Variants in STK33 observed in about 807,000 individuals in gnomAD.
STK33 encodes the protein serine/threonine kinase 33, also known as serine/threonine-protein kinase 33.
In STK33, 52 loss-of-function variants were observed where a neutral mutation model predicts 58.0. The ratio of observed to expected loss-of-function variants is 0.90; its 90% CI spans 0.72 to 1.13. The LOEUF is 1.13. Ranked by LOEUF, STK33 falls within the 50% of genes most tolerant of loss-of-function variation. The pLI is 0.00. For synonymous variants in STK33, 215 were observed against 200.1 expected (o/e 1.07, Z -0.63); for missense variants, 630 against 604.2 (o/e 1.04, Z -0.45).
intron 1 of STK33, among the ~76,000 whole-genome samples, chr11:8,566,734 A>C (rs1289622980): frequency 1.3e-5 from 2 of 152,232 alleles, no homozygotes; most frequent in Admixed American, 1.3e-4. Context: ...AATTTAGTAA[A>C]TGAAATTTTG....
intron 14 of STK33, among the ~76,000 whole-genome samples, chr11:8,423,468 T>G (rs1209147291): frequency 1.3e-5 from 2 of 152,120 alleles, no homozygotes; most frequent in Non-Finnish European, 1.5e-5. Flanking sequence ...AAATTTTTTC[T>G]TATTGGGGTT....
intron 12 of STK33, among the ~76,000 whole-genome samples, chr11:8,438,601 G>A (rs957787981): frequency 1.3e-5 from 2 of 152,138 alleles, no homozygotes; most frequent in Non-Finnish European, 2.9e-5. Flanking sequence ...ATGGTGATAT[G>A]CAGTCACACT....
chr11:8,579,413 A>G (rs1958408799), intron 1 of STK33, among the ~76,000 whole-genome samples: 1 of 152,136 alleles, frequency 6.6e-6, no homozygotes, highest in Non-Finnish European at 1.5e-5. Context: ...TTCCTAGAAT[A>G]AGAATCTCAG....
At chr11:8,337,131 C>G in the STK33 span, among the ~76,000 whole-genome samples, 1 of 152,246 alleles carries the variant, frequency 6.6e-6, no homozygotes, top group African/African-American at 2.4e-5. Flanking sequence ...AAGAAGGCGG[C>G]CAATCTCCTT....
intron 11 of STK33, among the ~76,000 whole-genome samples, chr11:8,443,676 A>G (rs1945047848): frequency 6.6e-6 from 1 of 152,194 alleles, no homozygotes; most frequent in African/African-American, 2.4e-5. Context: ...GCCTGATAAT[A>G]AATATGTATT....
chr11:8,359,013 G>A, the STK33 span, among the ~76,000 whole-genome samples: 1 of 152,138 alleles, frequency 6.6e-6, no homozygotes, highest in Non-Finnish European at 1.5e-5. Context: ...TACCCAACAC[G>A]CACAGCCTGC....
chr11:8,441,357 A>T (rs988558874), intron 11 of STK33, among the ~76,000 whole-genome samples: 2 of 144,814 alleles, frequency 1.4e-5, no homozygotes, highest in Non-Finnish European at 3.1e-5. Flanking sequence ...GTGTGTGTGT[A>T]TTTTTTTTTT....
intron 1 of STK33, among the ~76,000 whole-genome samples, chr11:8,532,611 T>C (rs563627692): frequency 2.5e-4 from 38 of 152,332 alleles, no homozygotes; most frequent in Admixed American, 2.4e-3. Context: ...ATATGACAAA[T>C]AGTTTTCATG....
the STK33 span, among the ~76,000 whole-genome samples, chr11:8,356,197 G>C: frequency 6.6e-6 from 1 of 152,168 alleles, no homozygotes; most frequent in East Asian, 1.9e-4. Context: ...GAATCTGCCC[G>C]TTAGTTACAG....
intron 7 of STK33, among the ~76,000 whole-genome samples, chr11:8,464,174 T>C (rs1342013961): frequency 6.6e-6 from 1 of 152,124 alleles, no homozygotes; most frequent in Non-Finnish European, 1.5e-5. Flanking sequence ...AGAAGCTCAG[T>C]CGTTCCCCAG....
intron 1 of STK33, among the ~76,000 whole-genome samples, chr11:8,544,990 T>C (rs1467835719): frequency 1.3e-5 from 2 of 152,198 alleles, no homozygotes; most frequent in African/African-American, 4.8e-5. Context: ...CTTACAGTCA[T>C]AGATTGAAGA....
chr11:8,517,863 A>C (rs1164712231), intron 1 of STK33, among the ~76,000 whole-genome samples: 1 of 152,226 alleles, frequency 6.6e-6, no homozygotes, highest in Non-Finnish European at 1.5e-5. Flanking sequence ...TCTATGATTG[A>C]TTGGTGTACC....
At chr11:8,416,167 G>A (rs1295619433) in intron 14 of STK33, among the ~76,000 whole-genome samples, 2 of 152,108 alleles carry the variant, frequency 1.3e-5, no homozygotes, top group African/African-American at 4.8e-5. Context: ...AAGTGATAAT[G>A]CCGAAAGTGA....
chr11:8,465,451 A>G (rs557972716), intron 6 of STK33: 1 of 152,360 alleles, frequency 6.6e-6, no homozygotes, highest in South Asian at 2.1e-4. Context: ...CTTATCATTT[A>G]ACTTCTGCTT....
intron 15 of STK33, 61 bp downstream of exon 15, chr11:8,413,434 T>C: frequency 6.4e-7 from 1 of 1,553,528 alleles, no homozygotes; most frequent in Non-Finnish European, 8.8e-7. Flanking sequence ...GCAAAAAAAA[T>C]GTTCCAGGTG....
rs11530482 is a variant in STK33 at position 8,447,387 on chromosome 11, A to G, written c.871+5435T>C. Among the ~76,000 whole-genome samples, 21 of 152,362 alleles carry G rather than the reference A, an allele frequency of 1.4e-4. No homozygotes were observed. In the East Asian group the frequency reaches 2.1e-3, roughly 15 times the overall value. On this transcript the variant is annotated intron_variant, in intron 11 of 15. Coordinates refer to ENST00000687296, the MANE Select transcript of STK33 (RefSeq NM_001352389.2). Reference sequence around the variant, plus strand: ...ATGAACATCGATGCAAAAATCCTCAATAAAATACTGGCAAACCAAATCCAG... The same window carrying G: ...ATGAACATCGATGCAAAAATCCTCAGTAAAATACTGGCAAACCAAATCCAG...
chr11:8,531,570 A>T (rs1417747355), intron 1 of STK33, among the ~76,000 whole-genome samples: 1 of 152,176 alleles, frequency 6.6e-6, no homozygotes, highest in Non-Finnish European at 1.5e-5. Context: ...CTGAGCTGGG[A>T]GCTTAGCTTG....
chr11:8,371,767 C>G, the STK33 span, among the ~76,000 whole-genome samples: 1 of 135,118 alleles, frequency 7.4e-6, no homozygotes, highest in East Asian at 2.3e-4. Context: ...CTTCCTCTTT[C>G]CCTCCATCCC....
At chr11:8,438,393 G>A (rs1233303993) in intron 12 of STK33, among the ~76,000 whole-genome samples, 3 of 152,184 alleles carry the variant, frequency 2.0e-5, no homozygotes, top group Admixed American at 6.5e-5. Flanking sequence ...TTCACCTTGA[G>A]AAAGTATGTT....
Sources: allele counts gnomAD v4.1 joint callset (sites outside exome capture counted in the v4.1 genomes callset), GRCh38; gene constraint gnomAD v4.1.1; transcripts MANE v1.5; gene names NCBI Gene and HGNC (gene_info 2026-07-23, HGNC 2026-07-21).